The following ST3GAL3 variants were observed in gnomAD, a reference collection of about 807,000 sequenced individuals.
ST3GAL3 encodes the protein ST3 beta-galactoside alpha-2,3-sialyltransferase 3.
A neutral mutation model predicts 50.1 loss-of-function variants in ST3GAL3; 21 were observed. The ratio of observed to expected loss-of-function variants is 0.42; its 90% CI spans 0.30 to 0.60. The LOEUF (loss-of-function observed/expected upper bound fraction) is 0.60. Among genes scored for constraint, ST3GAL3 ranks in the 20% least tolerant of loss-of-function variants. ST3GAL3 has a pLI of 0.19. For missense variants in ST3GAL3, 353 were observed against 489.4 expected (o/e 0.72, Z 2.63); for synonymous variants, 183 against 190.0 (o/e 0.96, Z 0.30).
At chr1:43,829,139 T>C (rs983918171) in intron 4 of ST3GAL3, among the ~76,000 whole-genome samples, 2 of 151,038 alleles carry the variant, frequency 1.3e-5, no homozygotes, top group Non-Finnish European at 3.0e-5. Flanking sequence ...TCAGGAAATA[T>C]AAAAAGTGTA....
chr1:43,776,096 G>T (rs1425874919), intron 2 of ST3GAL3, among the ~76,000 whole-genome samples: 1 of 152,102 alleles, frequency 6.6e-6, no homozygotes, highest in Non-Finnish European at 1.5e-5. Context: ...GTGGTTTTTA[G>T]TATATCCACA....
intron 2 of ST3GAL3, among the ~76,000 whole-genome samples, chr1:43,784,727 G>T (rs147695328): frequency 1.3e-5 from 2 of 152,180 alleles, no homozygotes; most frequent in Non-Finnish European, 2.9e-5. Flanking sequence ...GAAACTTCTT[G>T]ACATAAGTAT....
At chr1:43,820,388 C>T (rs2061944324) in intron 4 of ST3GAL3, among the ~76,000 whole-genome samples, 1 of 152,134 alleles carries the variant, frequency 6.6e-6, no homozygotes, top group Non-Finnish European at 1.5e-5. Flanking sequence ...TCATCATTGG[C>T]TTTGGCAAAG....
intron 3 of ST3GAL3, among the ~76,000 whole-genome samples, chr1:43,812,303 C>T (rs960012687): frequency 2.0e-5 from 3 of 152,124 alleles, no homozygotes; most frequent in Admixed American, 6.5e-5. Flanking sequence ...GCACAGTTAG[C>T]AGGAGCTGGT....
Position 43,756,125 on chromosome 1 carries a change from GAAGAA to G in ST3GAL3, c.118+19754_118+19758del, listed in dbSNP as rs1256255878. 6.1e-3 allele frequency among the ~76,000 whole-genome samples: 791 copies of G among 129,602 alleles called. 13 individuals are homozygous for G. The highest frequency in any genetic ancestry group is 0.025 in the African/African-American group (766 of 31,042). The allele number at this position is 129,602 out of a possible 152,430, so 85.0% of individuals were successfully genotyped here. A position where few individuals can be genotyped will look rare whatever the true frequency, so the allele number is the denominator to read the frequency against. ...CAAAAAAAAAAAAAAAAAAGAAGAAGAAGAAAAGAAAAGGAAAGGAAAAATAAAAG... is the reference window on the plus strand; with the variant it reads ...CAAAAAAAAAAAAAAAAAAGAAGAAGAAGAAAAGGAAAGGAAAAATAAAAG... On this transcript the variant is annotated intron_variant, in intron 2 of 11. Coordinates refer to ENST00000347631, the MANE Select transcript of ST3GAL3 (RefSeq NM_006279.5).
At chr1:43,812,929 A>G (rs2060735962) in intron 3 of ST3GAL3, among the ~76,000 whole-genome samples, 3 of 152,248 alleles carry the variant, frequency 2.0e-5, no homozygotes, top group African/African-American at 7.2e-5. Flanking sequence ...TTGACAAATA[A>G]TAAACCACAG....
chr1:43,908,347 C>T (rs2080174443), intron 9 of ST3GAL3, among the ~76,000 whole-genome samples: 1 of 152,160 alleles, frequency 6.6e-6, no homozygotes, highest in South Asian at 2.1e-4. Context: ...TGCTTTGGAT[C>T]CCCATTTCCT....
chr1:43,830,218 A>T lies in ST3GAL3; in HGVS notation c.210-8001A>T, dbSNP rs963272734. On this transcript the variant is annotated intron_variant, in intron 4 of 11. Coordinates refer to ENST00000347631, the MANE Select transcript of ST3GAL3 (RefSeq NM_006279.5). ...CAGCTAATTAAAAAAAATTTTTTTTAAATAGAGATAAGGTCTCCCTATGTT... is the reference window on the plus strand; with the variant it reads ...CAGCTAATTAAAAAAAATTTTTTTTTAATAGAGATAAGGTCTCCCTATGTT... 2.6e-5 allele frequency among the ~76,000 whole-genome samples: 4 copies of T among 151,742 alleles called. No individual in the cohort carries two copies. The East Asian group carries it at 5.8e-4, about 22-fold the overall frequency.
At position 43,899,601 on chromosome 1, in the gene ST3GAL3, C is replaced by G; in HGVS notation, c.618C>G (p.Arg206=). The change falls in exon 9 of 12, where the codon CGC becomes CGG. Residue 206 remains arginine (R), a synonymous_variant. Transcript: ENST00000347631. The surrounding 1 kb of genome is among the most constrained non-coding windows in gnomAD (Gnocchi z 5.4). ...EKDVGSKTTL[R]ITYPEGAMQR... The stretch of plus-strand genomic sequence containing the variant: ...ACGTGGGCAGCAAAACGACACTGCG[C>G]ATCACCTACCCCGAGGGCGCCATGC... The G allele has an allele frequency of 2.5e-6, 4 of 1,614,140 alleles. No individual in the cohort carries two copies. The highest frequency in any genetic ancestry group is 3.4e-6 in the Non-Finnish European group (4 of 1,180,018).
At chr1:43,761,309 AT>A (rs111636074) in intron 2 of ST3GAL3, among the ~76,000 whole-genome samples, 2,688 of 147,208 alleles carry the variant, frequency 0.018, 64 homozygotes, top group African/African-American at 0.054. Flanking sequence ...CTGTAAAAAG[AT>A]TTTTTTTTTT....
At chr1:43,722,512 G>A (rs1670967215) in intron 1 of ST3GAL3, among the ~76,000 whole-genome samples, 1 of 152,154 alleles carries the variant, frequency 6.6e-6, no homozygotes, top group Non-Finnish European at 1.5e-5. Flanking sequence ...GCTGCTGTGT[G>A]GAGAATGAAT....
intron 11 of ST3GAL3, among the ~76,000 whole-genome samples, chr1:43,922,918 G>A (rs1376927465): frequency 3.3e-5 from 5 of 151,788 alleles, no homozygotes; most frequent in African/African-American, 4.8e-5. Flanking sequence ...TGGCTAACAC[G>A]GTGAAACCGC....
At chr1:43,917,627 TATAA>T (rs1198334578) in intron 9 of ST3GAL3, among the ~76,000 whole-genome samples, 1,017 of 66,788 alleles carry the variant, frequency 0.015, 21 homozygotes, top group African/African-American at 0.056. Flanking sequence ...TTATATTATA[TATAA>T]TATATAATAT....
intron 3 of ST3GAL3, among the ~76,000 whole-genome samples, chr1:43,792,708 T>C (rs2058230995): frequency 6.6e-6 from 1 of 152,194 alleles, no homozygotes; most frequent in African/African-American, 2.4e-5. Context: ...CTGTTTACAG[T>C]GCAGGACACA....
intron 2 of ST3GAL3, among the ~76,000 whole-genome samples, chr1:43,770,255 GA>G (rs1377705796): frequency 6.2e-5 from 8 of 129,012 alleles, no homozygotes; most frequent in Non-Finnish European, 9.8e-5. Flanking sequence ...GGGAGGGGAG[GA>G]GAGGAGAGGG....
Position 43,862,876 on chromosome 1 carries a change from A to G in ST3GAL3, c.302+24565A>G, listed in dbSNP as rs555507261. 2.6e-5 allele frequency among the ~76,000 whole-genome samples: 4 copies of G among 152,172 alleles called. 1 individual carries two copies. In the South Asian group the frequency reaches 8.3e-4, roughly 32 times the overall value. ...GGCTACAATGAGCTGTGATCATGCTACTGCACTCCAGCCTGGGTGACCGTG... is the reference window on the plus strand; with the variant it reads ...GGCTACAATGAGCTGTGATCATGCTGCTGCACTCCAGCCTGGGTGACCGTG... On this transcript the variant is annotated intron_variant, in intron 5 of 11. Transcript: ENST00000347631.
chr1:43,776,972 C>T (rs1697491976), intron 2 of ST3GAL3, among the ~76,000 whole-genome samples: 1 of 152,118 alleles, frequency 6.6e-6, no homozygotes, highest in African/African-American at 2.4e-5. Flanking sequence ...TTAAGGACAG[C>T]CTATCAAGTT....
At chr1:43,848,329 G>A (rs1050173055) in intron 5 of ST3GAL3, among the ~76,000 whole-genome samples, 2 of 121,674 alleles carry the variant, frequency 1.6e-5, no homozygotes, top group African/African-American at 3.3e-5. Context: ...CGTAGGGATG[G>A]AGTTTTGCTC....
intron 5 of ST3GAL3, among the ~76,000 whole-genome samples, chr1:43,890,750 G>A (rs906455913): frequency 4.6e-5 from 7 of 152,108 alleles, no homozygotes; most frequent in African/African-American, 1.7e-4. Flanking sequence ...TGGGTATGGG[G>A]GTGGATGTCT....
Sources: gnomAD v4.1 joint callset for allele counts (sites outside exome capture counted in the v4.1 genomes callset) on GRCh38, gnomAD v4.1.1 for gene constraint, Gnocchi (gnomAD v3.1) non-coding constraint, MANE v1.5 for transcripts, NCBI Gene and HGNC (gene_info 2026-07-23, HGNC 2026-07-21) for gene names.